Variants in CSF3R observed in about 807,000 individuals in gnomAD.
CSF3R encodes granulocyte colony-stimulating factor receptor.
In CSF3R, 52 loss-of-function variants were observed where a neutral mutation model predicts 84.4. The ratio of observed to expected loss-of-function variants is 0.62; its 90% CI spans 0.49 to 0.78. CSF3R has a LOEUF of 0.78. Among genes scored for constraint, CSF3R ranks in the 30% least tolerant of loss-of-function variants. CSF3R has a pLI of 0.00. For synonymous variants in CSF3R, 384 were observed against 429.1 expected (o/e 0.89, Z 1.30); for missense variants, 890 against 1,055.7 (o/e 0.84, Z 2.17).
chr1:36,466,711 G>A lies in CSF3R; in HGVS notation c.2157C>T (p.Gly719=), dbSNP rs768198697. 3.4e-5 allele frequency: 55 copies of A among 1,614,106 alleles called. No individual in the cohort carries two copies. Among genetic ancestry groups the A allele is most frequent in the Non-Finnish European group, 4.5e-5 (53 of 1,180,046 alleles). The part of the protein sequence containing the change: ...WESHNSSETC[G]LPTLVQTYVL... ...CATAGGTCTGGACCAGAGTGGGGAG[G>A]CCACAGGTCTCTGAGCTGTTATGGG... Residue 719 remains glycine, a synonymous_variant, in exon 17 of 17, where the codon GGC becomes GGT. Coordinates refer to ENST00000373106, the MANE Select transcript of CSF3R (RefSeq NM_000760.4). This position sits in a 1 kb window ranked among gnomAD's most constrained non-coding sequence, Gnocchi z 4.6.
chr1:36,468,912 G>T, intron 12 of CSF3R: 1 of 519,252 alleles, frequency 1.9e-6, no homozygotes, highest in Non-Finnish European at 3.5e-6. Flanking sequence ...CTGGGAAATG[G>T]TTTGATTTTT....
At chr1:36,481,955 T>A (rs189025572) in intron 1 of CSF3R, 77 of 152,654 alleles carry the variant, frequency 5.0e-4, no homozygotes, top group African/African-American at 1.8e-3. Flanking sequence ...TGCCTTCACA[T>A]TCCCTCTTTC....
chr1:36,469,873 G>A (rs1378899763), intron 10 of CSF3R, 33 bp from the exon 11 acceptor site: 2 of 1,610,264 alleles, frequency 1.2e-6, no homozygotes, highest in African/African-American at 2.7e-5. Flanking sequence ...TGGAATGAAG[G>A]TGAAAAGAAT....
intron 1 of CSF3R, among the ~76,000 whole-genome samples, chr1:36,482,335 C>T (rs3917912): frequency 0.035 from 5,362 of 151,364 alleles, 222 homozygotes; most frequent in African/African-American, 0.098. Flanking sequence ...GCCTGGAGCC[C>T]GGGAAGCGTC....
intron 3 of CSF3R, chr1:36,479,189 T>A (rs942555674): frequency 3.4e-6 from 2 of 580,050 alleles, no homozygotes; most frequent in Admixed American, 2.4e-5. Context: ...GCGGACAAGA[T>A]CTGCGCCTCA....
In CSF3R at chr1:36,469,709, T is replaced by C. The variant is rs780167517; in HGVS notation, c.1417A>G (p.Ser473Gly). Residue 473 changes from serine to glycine, a missense_variant, in exon 11 of 17, where the codon AGC (serine) becomes GGC (glycine). By Grantham distance (56) the Ser-to-Gly change is moderately conservative (BLOSUM62 0). Coordinates refer to ENST00000373106, the MANE Select transcript of CSF3R (RefSeq NM_000760.4). ...WGLGPPSASN[S>G]NKTWRMEQNG... ...TGTTCCATCCTCCAGGTCTTGTTGC[T>C]ATTGCTCGCGCTGGGGGGGCCCAGG... The C allele has an allele frequency of 6.2e-7, 1 of 1,614,162 alleles. No individual in the cohort carries two copies. Among genetic ancestry groups the C allele is most frequent in the South Asian group, 1.1e-5 (1 of 91,082 alleles).
intron 4 of CSF3R, 125 bp downstream of exon 4, chr1:36,475,252 C>A (rs756659093): frequency 3.3e-6 from 4 of 1,198,448 alleles, no homozygotes; most frequent in Non-Finnish European, 5.0e-6. Context: ...GGTGATCCGC[C>A]TGCCTCGGCC....
chr1:36,469,155 C>T lies in CSF3R; in HGVS notation c.1576+1G>A, dbSNP rs1031224658. ...GGAAAGGGGCCTGATAGTTGACAAA[C>T]CCATTTCTTGAGAGTAGGCATAGAC... On this transcript the variant is annotated splice_donor_variant, in intron 12 of 16. Coordinates refer to ENST00000373106, the MANE Select transcript of CSF3R (RefSeq NM_000760.4). LOFTEE classifies it high-confidence loss of function. 5 of 1,611,342 alleles carry T rather than the reference C, an allele frequency of 3.1e-6. No homozygotes were observed. Among genetic ancestry groups the T allele is most frequent in the Non-Finnish European group, 4.2e-6 (5 of 1,177,606 alleles).
chr1:36,473,700 C>T, intron 5 of CSF3R, 64 bp downstream of exon 5: 1 of 1,613,968 alleles, frequency 6.2e-7, no homozygotes, highest in Non-Finnish European at 8.5e-7. Context: ...GCATGCCCAG[C>T]ATCCTACCCA....
chr1:36,473,497 T>G lies in CSF3R; in HGVS notation c.611A>C (p.Gln204Pro). ...GCTGGTCCCCAGCGCATTCTCTGCC[T>G]GCACCCAGATGCCCATATTCTGGTA... is the stretch of plus-strand genomic sequence containing the variant. ...LLYQNMGIWV[Q>P]AENALGTSMS... is the part of the protein sequence containing the mutation. Residue 204 changes from glutamine to proline, a missense_variant, in exon 6 of 17, where the codon CAG becomes CCG. Gln to Pro is a moderately conservative substitution (Grantham distance 76). Coordinates refer to ENST00000373106, the MANE Select transcript of CSF3R (RefSeq NM_000760.4). The G allele has an allele frequency of 6.2e-7, 1 of 1,614,146 alleles. No individual in the cohort carries two copies.
At chr1:36,477,679 T>G (rs1266476090) in intron 3 of CSF3R, 1 of 152,144 alleles carries the variant, frequency 6.6e-6, no homozygotes, top group Non-Finnish European at 1.5e-5. Flanking sequence ...GCGAAGGCCC[T>G]AAGAGGAGAA....
At chr1:36,475,090 C>T (rs539902113) in intron 4 of CSF3R, among the ~76,000 whole-genome samples, 3 of 151,938 alleles carry the variant, frequency 2.0e-5, no homozygotes, top group African/African-American at 4.8e-5. Context: ...TTGCAACCTC[C>T]GCTTCCTGGG....
Position 36,466,980 on chromosome 1 carries a change from TCA to T in CSF3R, c.2041-155_2041-154del. On this transcript the variant is annotated intron_variant, in intron 16 of 16. Coordinates refer to ENST00000373106, the MANE Select transcript of CSF3R (RefSeq NM_000760.4). The surrounding 1 kb of genome is among the most constrained non-coding windows in gnomAD (Gnocchi z 4.6). ...CACTTGCAAAGCACTAGTATGTTCC[TCA>T]CACATGCCTGACACATGCCATGCAC... The T allele has an allele frequency of 6.4e-7, 1 of 1,567,994 alleles. No individual in the cohort carries two copies.
In CSF3R at chr1:36,479,587, T is replaced by G. The variant is rs561777571; in HGVS notation, c.-20-71A>C. On this transcript the variant is annotated intron_variant, in intron 2 of 16. Transcript: ENST00000373106. Reference sequence around the variant, plus strand: ...GCTGATCTTAATCCTTGTCTGTCACTGTGCAGCTTTGACTAGGTTGCTTGA... The same window carrying G: ...GCTGATCTTAATCCTTGTCTGTCACGGTGCAGCTTTGACTAGGTTGCTTGA... The G allele has an allele frequency of 3.2e-5, 40 of 1,243,384 alleles. No individual in the cohort carries two copies. The African/African-American group carries it at 5.5e-4, about 17-fold the overall frequency. 77.0% of individuals were successfully genotyped at this position (1,243,384 alleles called of 1,614,324 possible). A position where few individuals can be genotyped will look rare whatever the true frequency, so the allele number is the denominator to read the frequency against.
chr1:36,473,864 G>A lies in CSF3R; in HGVS notation c.385C>T (p.Leu129Phe). ...GTTGTGAGGTTCATGAGGCAGGAGAGGTTGTGGGGTATGGCTGGAGGGTCT... is the reference window on the plus strand; with the variant it reads ...GTTGTGAGGTTCATGAGGCAGGAGAAGTTGTGGGGTATGGCTGGAGGGTCT... ...AGYPPAIPHNLSCLMNLTTSS... is the reference protein window; with the variant it reads ...AGYPPAIPHNFSCLMNLTTSS... The change falls in exon 5 of 17, where the codon CTC becomes TTC. Residue 129 changes from leucine to phenylalanine, a missense_variant. Transcript: ENST00000373106. 1.2e-6 allele frequency: 2 copies of A among 1,614,250 alleles called. No homozygotes were observed. The highest frequency in any genetic ancestry group is 2.2e-5 in the East Asian group (1 of 44,886).
chr1:36,467,157 T>A lies in CSF3R; in HGVS notation c.2040+73A>T. 2.6e-6 allele frequency: 4 copies of A among 1,529,262 alleles called. No homozygotes were observed. Among genetic ancestry groups the A allele is most frequent in the Non-Finnish European group, 3.6e-6 (4 of 1,102,884 alleles). 94.7% of individuals were successfully genotyped at this position (1,529,262 alleles called of 1,614,324 possible). A position where few individuals can be genotyped will look rare whatever the true frequency, so the allele number is the denominator to read the frequency against. ...TGACAGGAAGGCCTGAGTACTTGGC[T>A]TCAGAAGGTGTCCCTTCACTGAGCC... On this transcript the variant is annotated intron_variant, in intron 16 of 16. Transcript: ENST00000373106. This position sits in a 1 kb window ranked among gnomAD's most constrained non-coding sequence, Gnocchi z 4.1.
chr1:36,482,440 A>G (rs1651589638), intron 1 of CSF3R, among the ~76,000 whole-genome samples: 1 of 152,126 alleles, frequency 6.6e-6, no homozygotes, highest in Non-Finnish European at 1.5e-5. Flanking sequence ...TGAGGAGGAA[A>G]GATGGAAACA....
Position 36,466,816 on chromosome 1 carries a change from C to T in CSF3R, c.2052G>A (p.Gln684=). Reference sequence around the variant, plus strand: ...TGGGTGGCGTGCCAAGGCCGGGCAGCTGGAAGGCATCCTGCACACAAGGAT... The same window carrying T: ...TGGGTGGCGTGCCAAGGCCGGGCAGTTGGAAGGCATCCTGCACACAAGGAT... ...VPTIMEEDAF[Q]LPGLGTPPIT... The change falls in exon 17 of 17, where the codon CAG becomes CAA. Residue 684 remains glutamine, a synonymous_variant. Coordinates refer to ENST00000373106, the MANE Select transcript of CSF3R (RefSeq NM_000760.4). This position sits in a 1 kb window ranked among gnomAD's most constrained non-coding sequence, Gnocchi z 4.6. The T allele has an allele frequency of 6.2e-7, 1 of 1,614,200 alleles. No individual in the cohort carries two copies. Among genetic ancestry groups the T allele is most frequent in the Non-Finnish European group, 8.5e-7 (1 of 1,180,028 alleles).
rs758868834 is a variant in CSF3R, at chr1:36,466,357, C to T, written c.2511G>A (p.Ter837=). The T allele has an allele frequency of 1.2e-6, 2 of 1,612,698 alleles. No homozygotes were observed. Among genetic ancestry groups the T allele is most frequent in the Non-Finnish European group, 8.5e-7 (1 of 1,179,944 alleles). ...VHGMEALGSF[*] is the part of the protein sequence containing the mutation. ...CCCAAGAAGGGAACCCCAGGAAGCC[C>T]TAGAAGCTCCCCAGCGCCTCCATCC... is the stretch of plus-strand genomic sequence containing the variant. The change falls in exon 17 of 17, where the codon TAG becomes TAA. Residue 837 remains the stop codon, a stop_retained_variant. Coordinates refer to ENST00000373106, the MANE Select transcript of CSF3R (RefSeq NM_000760.4). This position sits in a 1 kb window ranked among gnomAD's most constrained non-coding sequence, Gnocchi z 4.6.
Sources: gnomAD v4.1 joint callset for allele counts (sites outside exome capture counted in the v4.1 genomes callset) on GRCh38, gnomAD v4.1.1 for gene constraint, Gnocchi (gnomAD v3.1) non-coding constraint, MANE v1.5 for transcripts, NCBI Gene and HGNC (gene_info 2026-07-23, HGNC 2026-07-21) for gene names.